COQ6: variants seen among roughly 807,000 people sequenced by gnomAD.
The protein encoded by COQ6 is coenzyme Q6, monooxygenase.
A neutral mutation model predicts 55.5 loss-of-function variants in COQ6; 45 were observed. The ratio of observed to expected loss-of-function variants is 0.81; its 90% CI spans 0.64 to 1.04. The LOEUF is 1.04. Among genes scored for constraint, COQ6 ranks in the 50% least tolerant of loss-of-function variants. The pLI is 0.00. For missense variants in COQ6, 550 were observed against 601.3 expected (o/e 0.91, Z 0.89); for synonymous variants, 206 against 230.5 (o/e 0.89, Z 0.96).
rs760954348 is a variant in COQ6, at chr14:73,958,183, G to C, written c.518G>C (p.Arg173Pro). ...VTVLYRSKAI[R>P]YTWPCPFPMA... Reference sequence around the variant, plus strand: ...GTTCTCTACAGGAGCAAAGCCATTCGCTATACCTGGCCTTGTCCATTTCCT... The same window carrying C: ...GTTCTCTACAGGAGCAAAGCCATTCCCTATACCTGGCCTTGTCCATTTCCT... The change falls in exon 5 of 12, where the codon CGC becomes CCC. Residue 173 changes from arginine (R) to proline (P), a missense_variant. Transcript: ENST00000334571. The C allele has an allele frequency of 2.5e-6, 4 of 1,613,924 alleles. No individual in the cohort carries two copies. Among genetic ancestry groups the C allele is most frequent in the Non-Finnish European group, 3.4e-6 (4 of 1,179,978 alleles).
Position 73,950,440 on chromosome 14 carries a change from T to A in COQ6, c.108T>A (p.Tyr36Ter). 2 of 1,609,346 alleles carry A rather than the reference T, an allele frequency of 1.2e-6. No homozygotes were observed. Among genetic ancestry groups the A allele is most frequent in the Non-Finnish European group, 1.7e-6 (2 of 1,178,188 alleles). ...CCGGCGCCTCAACAGACACCGTGTA[T>A]GACGTGGTGGTGTCGGGTGGAGGCC... ...RWSGASTDTV[Y>*]DVVVSGGGLV... The change falls in exon 1 of 12, where the codon TAT (tyrosine) becomes TAA (stop). Residue 36 changes from tyrosine to a stop codon, truncating the protein, a stop_gained. Coordinates refer to ENST00000334571, the MANE Select transcript of COQ6 (RefSeq NM_182476.3). LOFTEE classifies it high-confidence loss of function.
At chr14:73,953,356 G>T (rs2056272987) in intron 1 of COQ6, 79 bp from the exon 2 acceptor site, 8 of 1,223,176 alleles carry the variant, frequency 6.5e-6, no homozygotes, top group Non-Finnish European at 8.4e-6. Context: ...GGGTTAAGTG[G>T]TTACTCTGTT....
chr14:73,955,220 T>C, intron 2 of COQ6: 1 of 573,318 alleles, frequency 1.7e-6, no homozygotes, highest in East Asian at 3.1e-5. Context: ...CCCAAAGTGC[T>C]GGGATTACAG....
At position 73,957,869 on chromosome 14, in the gene COQ6, G is replaced by A. The variant is rs761048844; in HGVS notation, c.482-278G>A. On this transcript the variant is annotated intron_variant, in intron 4 of 11. Transcript: ENST00000334571. The stretch of plus-strand genomic sequence containing the variant: ...AAAGCAAACACGGGCTCATTTAAGC[G>A]TAGAGTGAAAATGGAGGCGCAGAAG... 9.1e-5 allele frequency: 38 copies of A among 416,202 alleles called. 1 individual carries two copies. In the Middle Eastern group the frequency reaches 2.2e-3, roughly 25 times the overall value. The allele number at this position is 416,202 out of a possible 1,614,324, so 25.8% of individuals were successfully genotyped here. A position where few individuals can be genotyped will look rare whatever the true frequency, so the allele number is the denominator to read the frequency against.
Position 73,963,089 on chromosome 14 carries a change from T to C in COQ6, c.*90T>C. On this transcript the variant is annotated 3_prime_UTR_variant, in exon 12 of 12. Transcript: ENST00000334571. ...CATATTTTCAAGATCTTATTTAATT[T>C]AATAAACTTACTTTACATTAAAATT... 1 of 1,079,136 alleles carries C rather than the reference T, an allele frequency of 9.3e-7. No homozygotes were observed. Among genetic ancestry groups the C allele is most frequent in the Non-Finnish European group, 1.4e-6 (1 of 697,972 alleles). The allele number at this position is 1,079,136 out of a possible 1,614,324, so 66.8% of individuals were successfully genotyped here. A position where few individuals can be genotyped will look rare whatever the true frequency, so the allele number is the denominator to read the frequency against.
intron 6 of COQ6, 28 bp from the exon 7 acceptor site, chr14:73,959,134 A>G (rs2056583671): frequency 6.2e-7 from 1 of 1,614,220 alleles, no homozygotes; most frequent in Non-Finnish European, 8.5e-7. Context: ...GGTACTTCAC[A>G]GAGAAACTTT....
chr14:73,954,852 A>G (rs1026966217), intron 2 of COQ6, among the ~76,000 whole-genome samples: 15 of 150,896 alleles, frequency 9.9e-5, no homozygotes, highest in African/African-American at 3.6e-4. Context: ...TCAAAAAAAA[A>G]AAAAAAAAAA....
At chr14:73,953,748 C>A (rs2056292148) in intron 2 of COQ6, 179 bp downstream of exon 2, 4 of 744,694 alleles carry the variant, frequency 5.4e-6, no homozygotes, top group Non-Finnish European at 9.3e-6. Context: ...CCTGCAGTTG[C>A]TACTGCCTCA....
chr14:73,953,642 G>C (rs2056286586), intron 2 of COQ6, 73 bp downstream of exon 2: 1 of 1,586,202 alleles, frequency 6.3e-7, no homozygotes, highest in Non-Finnish European at 8.7e-7. Context: ...CCATGGGGCA[G>C]AGTCATCAGA....
intron 4 of COQ6, chr14:73,956,239 A>T (rs2056430864): frequency 2.9e-6 from 1 of 347,746 alleles, no homozygotes; most frequent in Non-Finnish European, 5.7e-6. Flanking sequence ...GAGGCAGGAG[A>T]ATGGCGTGAA....
chr14:73,950,281 C>CTACG, upstream of COQ6: 1 of 1,540,258 alleles, frequency 6.5e-7, no homozygotes, highest in South Asian at 1.2e-5. Flanking sequence ...TCCGGACGCA[C>CTACG]TACGTAGGTG....
In COQ6 at chr14:73,961,062, G is replaced by A; in HGVS notation, c.892-111G>A. The A allele has an allele frequency of 3.2e-6, 4 of 1,245,616 alleles. No individual in the cohort carries two copies. The Admixed American group carries it at 7.9e-5, about 25-fold the overall frequency. The allele number at this position is 1,245,616 out of a possible 1,614,324, so 77.2% of individuals were successfully genotyped here. A position where few individuals can be genotyped will look rare whatever the true frequency, so the allele number is the denominator to read the frequency against. ...CACTTGTCAAGATCAGTGTAGGCAA[G>A]TTGGGTAGCATTAGCCTAAGCTTTG... is the stretch of plus-strand genomic sequence containing the variant. On this transcript the variant is annotated intron_variant, in intron 8 of 11. Coordinates refer to ENST00000334571, the MANE Select transcript of COQ6 (RefSeq NM_182476.3).
chr14:73,963,082 T>A lies in COQ6; in HGVS notation c.*83T>A, dbSNP rs187468747. The A allele has an allele frequency of 4.6e-4, 519 of 1,138,074 alleles. 4 individuals are homozygous for A. The East Asian group carries it at 7.3e-3, about 16-fold the overall frequency. 70.5% of individuals were successfully genotyped at this position (1,138,074 alleles called of 1,614,324 possible). A position where few individuals can be genotyped will look rare whatever the true frequency, so the allele number is the denominator to read the frequency against. ...CATCATACATATTTTCAAGATCTTATTTAATTTAATAAACTTACTTTACAT... is the reference window on the plus strand; with the variant it reads ...CATCATACATATTTTCAAGATCTTAATTAATTTAATAAACTTACTTTACAT... On this transcript the variant is annotated 3_prime_UTR_variant, in exon 12 of 12. Coordinates refer to ENST00000334571, the MANE Select transcript of COQ6 (RefSeq NM_182476.3).
Position 73,961,811 on chromosome 14 carries a change from T to G in COQ6, c.1285T>G (p.Leu429Val). The change falls in exon 11 of 12, where the codon TTA becomes GTA. Residue 429 changes from leucine (L) to valine (V), a missense_variant. Physicochemically the swap from Leu to Val is conservative, Grantham distance 32. Coordinates refer to ENST00000334571, the MANE Select transcript of COQ6 (RefSeq NM_182476.3). ...HNTALLAATD[L>V]LKRLYSTSAS... The stretch of plus-strand genomic sequence containing the variant: ...CACTGCTCTTCTGGCTGCTACAGAC[T>G]TACTAAAAAGGCTCTATTCTACCAG... 1 of 1,614,174 alleles carries G rather than the reference T, an allele frequency of 6.2e-7. No individual in the cohort carries two copies. The highest frequency in any genetic ancestry group is 8.5e-7 in the Non-Finnish European group (1 of 1,180,014).
At chr14:73,958,717 A>T (rs2056562265) in intron 5 of COQ6, 1 of 1,393,122 alleles carries the variant, frequency 7.2e-7, no homozygotes, top group East Asian at 2.9e-5. Context: ...TCTAGTTCAA[A>T]TATCAGGAGG....
Position 73,954,273 on chromosome 14 carries a change from G to T in COQ6, c.298+704G>T, listed in dbSNP as rs116162902. Among the ~76,000 whole-genome samples the T allele has an allele frequency of 6.5e-3, 983 of 152,224 alleles. 16 individuals carry two copies. Among genetic ancestry groups the T allele is most frequent in the African/African-American group, 0.023 (945 of 41,524 alleles). On this transcript the variant is annotated intron_variant, in intron 2 of 11. Coordinates refer to ENST00000334571, the MANE Select transcript of COQ6 (RefSeq NM_182476.3). ...GGTGCTCAGTAAATATTTCCTCAAT[G>T]AATAAATCTGTTCAGTGCTATGAAG...
Position 73,963,015 on chromosome 14 carries a change from AG to A in COQ6, c.*17del. On this transcript the variant is annotated 3_prime_UTR_variant, in exon 12 of 12. Coordinates refer to ENST00000334571, the MANE Select transcript of COQ6 (RefSeq NM_182476.3). The stretch of plus-strand genomic sequence containing the variant: ...AAGCAAATGAGTACTCCTCTCCTAA[AG>A]AAAGATTACGTTGATGAAAAAGAAC... The A allele has an allele frequency of 6.3e-7, 1 of 1,597,312 alleles. No homozygotes were observed. The highest frequency in any genetic ancestry group is 8.6e-7 in the Non-Finnish European group (1 of 1,164,676).
intron 4 of COQ6, among the ~76,000 whole-genome samples, chr14:73,957,477 G>GTT (rs1421508443): frequency 6.6e-6 from 1 of 152,088 alleles, no homozygotes; most frequent in Non-Finnish European, 1.5e-5. Flanking sequence ...TGGAGATAGT[G>GTT]TTTTGTTTTG....
intron 1 of COQ6, among the ~76,000 whole-genome samples, chr14:73,951,499 T>C (rs1341721408): frequency 2.0e-5 from 3 of 151,732 alleles, no homozygotes; most frequent in Non-Finnish European, 1.5e-5. Flanking sequence ...GGCTAATTTT[T>C]GTATTTTTAG....
Sources: allele counts gnomAD v4.1 joint callset (sites outside exome capture counted in the v4.1 genomes callset), GRCh38; gene constraint gnomAD v4.1.1; transcripts MANE v1.5; gene names NCBI Gene and HGNC (gene_info 2026-07-23, HGNC 2026-07-21).